Variants in ASF1A observed in about 807,000 individuals in gnomAD.
The protein encoded by ASF1A is histone chaperone ASF1A.
In ASF1A, 5 loss-of-function variants were observed where a neutral mutation model predicts 22.0. That is an observed-to-expected ratio of 0.23 (90% CI 0.12 to 0.48). The LOEUF (loss-of-function observed/expected upper bound fraction) is 0.48, where lower values mean the gene tolerates loss of function less well. ASF1A is among the 20% of genes least tolerant of loss of function. The probability of loss-of-function intolerance (pLI) is 0.99; values close to 1 mark genes in which losing one functional copy is unlikely to be tolerated. For missense variants in ASF1A, 137 were observed against 240.6 expected (o/e 0.57, Z 2.85); for synonymous variants, 97 against 86.7 (o/e 1.12, Z -0.66).
Position 118,894,542 on chromosome 6 carries a change from GC to G in ASF1A, c.109+23del, listed in dbSNP as rs1562426825. The stretch of plus-strand genomic sequence containing the variant: ...CTGAAGGTGAGTGCGGCGCCCGTGC[GC>G]CCGGGCTGTCAGTTGCGGGCTGCAG... On this transcript the variant is annotated intron_variant, in intron 1 of 3. Coordinates refer to ENST00000229595, the MANE Select transcript of ASF1A (RefSeq NM_014034.3). 1 of 1,526,504 alleles carries G rather than the reference GC, an allele frequency of 6.6e-7. No individual in the cohort carries two copies. Among genetic ancestry groups the G allele is most frequent in the Admixed American group, 2.0e-5 (1 of 50,944 alleles). 94.6% of individuals were successfully genotyped at this position (1,526,504 alleles called of 1,614,324 possible).
At chr6:118,899,297 G>C (rs1325545551) in intron 1 of ASF1A, among the ~76,000 whole-genome samples, 2 of 152,226 alleles carry the variant, frequency 1.3e-5, no homozygotes, top group Non-Finnish European at 2.9e-5. Flanking sequence ...GTGAAAGCCA[G>C]AGTCCTTATG....
chr6:118,907,786 A>G lies in ASF1A; in HGVS notation c.*172A>G, dbSNP rs1203738603. On this transcript the variant is annotated 3_prime_UTR_variant, in exon 4 of 4. Transcript: ENST00000229595. ...GAACAAATTGTGGAATATAAATACA[A>G]CTATTTTTAAGTAATTTTTTTCTCT... The G allele has an allele frequency of 1.8e-6, 1 of 547,770 alleles. No homozygotes were observed. The highest frequency in any genetic ancestry group is 2.9e-5 in the East Asian group (1 of 34,014). The allele number at this position is 547,770 out of a possible 1,614,324, so 33.9% of individuals were successfully genotyped here. A position where few individuals can be genotyped will look rare whatever the true frequency, so the allele number is the denominator to read the frequency against.
Position 118,894,186 on chromosome 6 carries a change from C to T in ASF1A, c.-228C>T, listed in dbSNP as rs1247681808. 35 of 1,308,670 alleles carry T rather than the reference C, an allele frequency of 2.7e-5. No homozygotes were observed. Among genetic ancestry groups the T allele is most frequent in the Non-Finnish European group, 3.3e-5 (34 of 1,027,214 alleles). The allele number at this position is 1,308,670 out of a possible 1,614,324, so 81.1% of individuals were successfully genotyped here. ...GTGCAGCCAATCGAGGGCAACGCTG[C>T]TACTTATCAGAGCAGAATGGGCTGT... On this transcript the variant is annotated 5_prime_UTR_variant, in exon 1 of 4. Coordinates refer to ENST00000229595, the MANE Select transcript of ASF1A (RefSeq NM_014034.3).
intron 1 of ASF1A, among the ~76,000 whole-genome samples, chr6:118,899,055 G>T (rs1779625820): frequency 6.6e-6 from 1 of 152,124 alleles, no homozygotes; most frequent in Non-Finnish European, 1.5e-5. Flanking sequence ...AGTGGCTCCT[G>T]CTGCTTTCAT....
intron 1 of ASF1A, 70 bp from the exon 2 acceptor site, chr6:118,900,696 A>G: frequency 8.9e-7 from 1 of 1,118,740 alleles, no homozygotes. Context: ...TGGACATTAA[A>G]AGGGTCTTTG....
Position 118,908,209 on chromosome 6 carries a change from T to C in ASF1A, c.*595T>C, listed in dbSNP as rs997373062. The C allele has an allele frequency of 2.0e-5, 3 of 152,164 alleles. No individual in the cohort carries two copies. The highest frequency in any genetic ancestry group is 4.1e-4 in the South Asian group (2 of 4,830). 9.4% of individuals were successfully genotyped at this position (152,164 alleles called of 1,614,324 possible). ...AGATGTTGGACAGCATTTGGTTTGTTTGGTAAGAGAAGAACAAATATGGCT... is the reference window on the plus strand; with the variant it reads ...AGATGTTGGACAGCATTTGGTTTGTCTGGTAAGAGAAGAACAAATATGGCT... On this transcript the variant is annotated 3_prime_UTR_variant, in exon 4 of 4. Coordinates refer to ENST00000229595, the MANE Select transcript of ASF1A (RefSeq NM_014034.3).
chr6:118,896,173 T>C (rs1779397510), intron 1 of ASF1A, among the ~76,000 whole-genome samples: 1 of 152,090 alleles, frequency 6.6e-6, no homozygotes, highest in Non-Finnish European at 1.5e-5. Flanking sequence ...ATTTTTCTTA[T>C]TACTCTGAAG....
chr6:118,906,557 G>A (rs1206578185), intron 3 of ASF1A, among the ~76,000 whole-genome samples: 1 of 152,114 alleles, frequency 6.6e-6, no homozygotes, highest in African/African-American at 2.4e-5. Context: ...AAAGTTTTAT[G>A]TTTGTTTTTC....
chr6:118,900,936 TTATC>T (rs2114521613), intron 2 of ASF1A, 55 bp downstream of exon 2: 3 of 1,187,942 alleles, frequency 2.5e-6, no homozygotes, highest in African/African-American at 3.0e-5. Flanking sequence ...GTAGACTATA[TTATC>T]TATTATCTTA....
At chr6:118,902,351 C>A (rs902704283) in intron 2 of ASF1A, among the ~76,000 whole-genome samples, 3 of 152,110 alleles carry the variant, frequency 2.0e-5, no homozygotes, top group Admixed American at 2.0e-4. Context: ...TATAATCAGT[C>A]ACTCATAAAG....
Position 118,896,915 on chromosome 6 carries a change from C to T in ASF1A, c.109+2393C>T, listed in dbSNP as rs546273826. ...TACAGTGGTGCAAACACAGCTGCTCCCTGCAGCCTCAACCTGGGCTTAAGC... is the reference window on the plus strand; with the variant it reads ...TACAGTGGTGCAAACACAGCTGCTCTCTGCAGCCTCAACCTGGGCTTAAGC... On this transcript the variant is annotated intron_variant, in intron 1 of 3. Transcript: ENST00000229595. Among the ~76,000 whole-genome samples the T allele has an allele frequency of 4.6e-5, 7 of 152,194 alleles. No homozygotes were observed. In the South Asian group the frequency reaches 1.5e-3, roughly 32 times the overall value.
At chr6:118,903,427 TC>T (rs1194111269) in intron 2 of ASF1A, among the ~76,000 whole-genome samples, 9 of 151,980 alleles carry the variant, frequency 5.9e-5, no homozygotes. Flanking sequence ...TACTAAGTGC[TC>T]AGAGCTGAGC....
At chr6:118,900,047 C>T (rs112297610) in intron 1 of ASF1A, among the ~76,000 whole-genome samples, 1 of 152,176 alleles carries the variant, frequency 6.6e-6, no homozygotes, top group East Asian at 1.9e-4. Context: ...TTACATATAA[C>T]GCCTTGAATT....
chr6:118,899,723 T>C (rs1413726194), intron 1 of ASF1A, among the ~76,000 whole-genome samples: 3 of 152,202 alleles, frequency 2.0e-5, no homozygotes, highest in African/African-American at 7.2e-5. Flanking sequence ...ATTTCTATTA[T>C]CAATTTAGGG....
intron 1 of ASF1A, among the ~76,000 whole-genome samples, chr6:118,900,055 A>G (rs1779700456): frequency 2.6e-5 from 4 of 152,200 alleles, no homozygotes; most frequent in African/African-American, 9.7e-5. Context: ...AACGCCTTGA[A>G]TTGCACCTGA....
intron 1 of ASF1A, among the ~76,000 whole-genome samples, chr6:118,894,986 C>T (rs1260130023): frequency 6.7e-6 from 1 of 149,850 alleles, no homozygotes; most frequent in African/African-American, 2.4e-5. Flanking sequence ...GGCCAGCGAC[C>T]CCGGCGCACG....
chr6:118,896,612 C>T (rs923124765), intron 1 of ASF1A, among the ~76,000 whole-genome samples: 1 of 152,136 alleles, frequency 6.6e-6, no homozygotes, highest in Non-Finnish European at 1.5e-5. Context: ...TATTTCACTT[C>T]CTAGGCACCA....
At chr6:118,895,605 T>C (rs1211493878) in intron 1 of ASF1A, among the ~76,000 whole-genome samples, 1 of 152,174 alleles carries the variant, frequency 6.6e-6, no homozygotes, top group African/African-American at 2.4e-5. Flanking sequence ...TTTCTACATA[T>C]ATTTTAAGGT....
At chr6:118,899,680 T>TTACAATACAATATAAATAAGCAG (rs1779672354) in intron 1 of ASF1A, among the ~76,000 whole-genome samples, 1 of 152,178 alleles carries the variant, frequency 6.6e-6, no homozygotes, top group African/African-American at 2.4e-5. Flanking sequence ...TGATTGTAGT[T>TTACAATACAATATAAATAAGCAG]TACAATACAA....
Sources: allele counts gnomAD v4.1 joint callset (sites outside exome capture counted in the v4.1 genomes callset), GRCh38; gene constraint gnomAD v4.1.1; transcripts MANE v1.5; gene names NCBI Gene and HGNC (gene_info 2026-07-23, HGNC 2026-07-21).